Variants in GLIS3 observed in about 807,000 individuals in gnomAD.
GLIS3 encodes the protein zinc finger protein GLIS3.
GLIS3 carries 53 observed loss-of-function variants against 78.6 expected under a neutral mutation model. That is an observed-to-expected ratio of 0.67 (90% CI 0.54 to 0.85). GLIS3 has a LOEUF of 0.85. Ranked by LOEUF, GLIS3 falls within the 40% of genes least tolerant of loss-of-function variation. The pLI is 0.00. For synonymous variants in GLIS3, 684 were observed against 509.9 expected, an observed-to-expected ratio of 1.34 and a Z score of -4.60; for missense variants, 1,703 against 1,231.1, an observed-to-expected ratio of 1.38 and a Z score of -5.74.
intron 2 of GLIS3, among the ~76,000 whole-genome samples, chr9:4,205,092 C>T (rs1174114645): frequency 6.7e-6 from 1 of 149,558 alleles, no homozygotes; most frequent in Admixed American, 6.8e-5. Context: ...AGGAGAATTA[C>T]TTGAACCCAG....
At chr9:4,410,020 G>A in the GLIS3 span, among the ~76,000 whole-genome samples, 1 of 152,150 alleles carries the variant, frequency 6.6e-6, no homozygotes, top group Non-Finnish European at 1.5e-5. Context: ...ACCCAGGCTG[G>A]AGTGCAGTGG....
chr9:4,385,757 G>C, the GLIS3 span, among the ~76,000 whole-genome samples: 1 of 24,096 alleles, frequency 4.2e-5, no homozygotes, highest in Non-Finnish European at 8.3e-5. Context: ...AAGAAAGAAA[G>C]AAAGAAAGAA....
chr9:4,305,378 T>C (rs570093271), intron 4 of GLIS3: 2 of 152,208 alleles, frequency 1.3e-5, no homozygotes, highest in African/African-American at 4.8e-5. Flanking sequence ...TTCCACTACA[T>C]GAGTTATTGC....
At chr9:4,392,556 C>T in the GLIS3 span, among the ~76,000 whole-genome samples, 1 of 152,154 alleles carries the variant, frequency 6.6e-6, no homozygotes, top group Non-Finnish European at 1.5e-5. Context: ...ACTATGGCCC[C>T]AAACCTTAGA....
the GLIS3 span, among the ~76,000 whole-genome samples, chr9:4,355,251 C>T: frequency 6.6e-6 from 1 of 152,158 alleles, no homozygotes; most frequent in Non-Finnish European, 1.5e-5. Flanking sequence ...CAAACTCTGC[C>T]ACTTGGCGGC....
At position 3,949,226 on chromosome 9, in the gene GLIS3, A is replaced by G. The variant is rs115636175; in HGVS notation, c.1711-12037T>C. 8.6e-3 allele frequency among the ~76,000 whole-genome samples: 1,304 copies of G among 152,326 alleles called. 24 individuals carry two copies. The highest frequency in any genetic ancestry group is 0.031 in the African/African-American group (1,271 of 41,576). ...ATATTAATAATTTAAATTCACAAAG[A>G]CTGACTATCCTAAATTATACTAATC... On this transcript the variant is annotated intron_variant, in intron 4 of 10. Transcript: ENST00000381971.
At chr9:4,343,717 G>A (rs776343432) in intron 2 of GLIS3, among the ~76,000 whole-genome samples, 3 of 152,166 alleles carry the variant, frequency 2.0e-5, no homozygotes, top group Non-Finnish European at 2.9e-5. Context: ...TACACACCAC[G>A]GAATACTATG....
chr9:4,023,656 A>G (rs1393345197), intron 4 of GLIS3, among the ~76,000 whole-genome samples: 1 of 152,216 alleles, frequency 6.6e-6, no homozygotes, highest in Non-Finnish European at 1.5e-5. Context: ...TTTCTACAAG[A>G]CAAAGGATAA....
chr9:4,369,696 G>A, the GLIS3 span, among the ~76,000 whole-genome samples: 4 of 152,180 alleles, frequency 2.6e-5, no homozygotes, highest in Admixed American at 2.0e-4. Flanking sequence ...ATGGTCAAAT[G>A]TGATTATTGG....
chr9:3,839,019 G>A (rs1818548481), intron 9 of GLIS3, among the ~76,000 whole-genome samples: 1 of 152,166 alleles, frequency 6.6e-6, no homozygotes, highest in African/African-American at 2.4e-5. Context: ...TGAAATCAGA[G>A]AAAGGCCCAG....
intron 2 of GLIS3, among the ~76,000 whole-genome samples, chr9:4,134,905 G>C (rs1448382278): frequency 6.6e-6 from 1 of 152,076 alleles, no homozygotes; most frequent in Non-Finnish European, 1.5e-5. Context: ...TACCTAGAAG[G>C]CTTGTCCTGA....
intron 2 of GLIS3, among the ~76,000 whole-genome samples, chr9:4,281,629 G>A (rs982067869): frequency 1.3e-5 from 2 of 152,096 alleles, no homozygotes; most frequent in African/African-American, 4.8e-5. Flanking sequence ...TCTTTTTCAG[G>A]CTAAATAATA....
chr9:4,285,973 G>GA, intron 2 of GLIS3, 65 bp downstream of exon 2: 1 of 1,588,954 alleles, frequency 6.3e-7, no homozygotes, highest in Non-Finnish European at 8.6e-7. Context: ...TTTGCTGGCA[G>GA]AAAATGGGAT....
chr9:4,279,857 AGATATGACAACCAAAGGTAATATAT>A (rs963392383), intron 2 of GLIS3, among the ~76,000 whole-genome samples: 1 of 152,076 alleles, frequency 6.6e-6, no homozygotes, highest in African/African-American at 2.4e-5. Flanking sequence ...TAGGCTAAAG[AGATATGACAACCAAAGGTAATATAT>A]GATCTTTGAT....
intron 2 of GLIS3, among the ~76,000 whole-genome samples, chr9:4,139,018 A>C (rs2130975543): frequency 6.6e-6 from 1 of 152,324 alleles, no homozygotes; most frequent in Admixed American, 6.5e-5. Context: ...AGCTAGTAAG[A>C]TGTTGCCATA....
At chr9:4,319,661 C>T (rs1255264566) in intron 2 of GLIS3, among the ~76,000 whole-genome samples, 1 of 152,078 alleles carries the variant, frequency 6.6e-6, no homozygotes, top group Non-Finnish European at 1.5e-5. Flanking sequence ...TCCCAGGTAG[C>T]TAGGACTATA....
chr9:3,911,718 A>G (rs528680756), intron 6 of GLIS3, among the ~76,000 whole-genome samples: 2 of 152,302 alleles, frequency 1.3e-5, no homozygotes, highest in East Asian at 3.9e-4. Flanking sequence ...TCTTTGTAAG[A>G]TGTGGATAAT....
chr9:4,213,966 A>G (rs1351392414), intron 2 of GLIS3, among the ~76,000 whole-genome samples: 1 of 151,946 alleles, frequency 6.6e-6, no homozygotes, highest in Admixed American at 6.6e-5. Flanking sequence ...ACAAAAATAA[A>G]CAAAAAAAAT....
At chr9:3,980,969 C>T (rs903153024) in intron 4 of GLIS3, among the ~76,000 whole-genome samples, 5 of 152,308 alleles carry the variant, frequency 3.3e-5, no homozygotes, top group Admixed American at 6.5e-5. Flanking sequence ...GCTCAGCATG[C>T]GTGCAAGCTC....
Sources: allele counts gnomAD v4.1 joint callset (sites outside exome capture counted in the v4.1 genomes callset), GRCh38; gene constraint gnomAD v4.1.1; transcripts MANE v1.5; gene names NCBI Gene and HGNC (gene_info 2026-07-23, HGNC 2026-07-21).